The following NTMT1 variants were observed in gnomAD, a reference collection of about 807,000 sequenced individuals.
The protein encoded by NTMT1 is N-terminal RCC1 methyltransferase.
NTMT1 carries 8 observed loss-of-function variants against 17.5 expected under a neutral mutation model. The ratio of observed to expected loss-of-function variants is 0.46; its 90% CI spans 0.27 to 0.82. NTMT1 has a LOEUF of 0.82. Among genes scored for constraint, NTMT1 ranks in the 40% least tolerant of loss-of-function variants. The pLI, the probability that NTMT1 is intolerant of heterozygous loss-of-function variation, is 0.15. For missense variants in NTMT1, 221 were observed against 303.5 expected, an observed-to-expected ratio of 0.73 and a Z score of 2.02; for synonymous variants, 128 against 126.8, an observed-to-expected ratio of 1.01 and a Z score of -0.06.
rs753090231 is a variant in NTMT1 at position 129,619,769 on chromosome 9, A to T, written c.-55+10591A>T. 1.9e-6 allele frequency: 3 copies of T among 1,613,824 alleles called. No homozygotes were observed. In the East Asian group the frequency reaches 6.7e-5, roughly 36 times the overall value. Reference sequence around the variant, plus strand: ...GGTCTGGGAGGAATGAACAGTTGGGACACCGCGGAGACCCTGGGCAGTGCT... The same window carrying T: ...GGTCTGGGAGGAATGAACAGTTGGGTCACCGCGGAGACCCTGGGCAGTGCT... On this transcript the variant is annotated intron_variant, in intron 1 of 3. Transcript: ENST00000372486.
At chr9:129,635,032 C>T (rs1831448313) in intron 3 of NTMT1, 176 bp from the exon 4 acceptor site, 2 of 720,096 alleles carry the variant, frequency 2.8e-6, no homozygotes, top group African/African-American at 3.5e-5. Flanking sequence ...CCACAGTTTC[C>T]TATTCTATGA....
rs761365667 is a variant in NTMT1 at position 129,620,547 on chromosome 9, C to T, written c.-55+11369C>T. 1 of 1,402,500 alleles carries T rather than the reference C, an allele frequency of 7.1e-7. No individual in the cohort carries two copies. Among genetic ancestry groups the T allele is most frequent in the Non-Finnish European group, 9.3e-7 (1 of 1,075,218 alleles). The allele number at this position is 1,402,500 out of a possible 1,614,324, so 86.9% of individuals were successfully genotyped here. On this transcript the variant is annotated intron_variant, in intron 1 of 3. Transcript: ENST00000372486. The surrounding 1 kb of genome is among the most constrained non-coding windows in gnomAD (Gnocchi z 5.8). ...AGCCCCTTGGGCGCCAGGTCCTGGG[C>T]CCCTGGGCGAAGTCGACGCCAGAAC... is the stretch of plus-strand genomic sequence containing the variant.
At chr9:129,628,654 G>A (rs1403078190) in intron 1 of NTMT1, 3 of 152,250 alleles carry the variant, frequency 2.0e-5, no homozygotes, top group Non-Finnish European at 4.4e-5. Flanking sequence ...TGGTGTACAA[G>A]GTAATGTCTC....
upstream of NTMT1, among the ~76,000 whole-genome samples, chr9:129,624,041 G>T (rs1200726664): frequency 6.6e-6 from 1 of 152,006 alleles, no homozygotes; most frequent in African/African-American, 2.4e-5. Context: ...TGATCCACCT[G>T]CCTCGGCCTC....
chr9:129,613,537 A>G lies in NTMT1; in HGVS notation c.-55+4359A>G. On this transcript the variant is annotated intron_variant, in intron 1 of 3. Coordinates refer to the NTMT1 transcript ENST00000372486. This position sits in a 1 kb window ranked among gnomAD's most constrained non-coding sequence, Gnocchi z 6.2. ...CTCCAGCCGTTTTCCGACACTCCCA[A>G]ACACCCGCTCGGACGCCACTGGCAG... is the stretch of plus-strand genomic sequence containing the variant. 1 of 1,614,052 alleles carries G rather than the reference A, an allele frequency of 6.2e-7. No individual in the cohort carries two copies. The highest frequency in any genetic ancestry group is 8.5e-7 in the Non-Finnish European group (1 of 1,180,000).
intron 1 of NTMT1, among the ~76,000 whole-genome samples, chr9:129,630,852 G>A (rs1268275030): frequency 6.6e-6 from 1 of 152,258 alleles, no homozygotes; most frequent in Non-Finnish European, 1.5e-5. Flanking sequence ...AGCAGCTGCT[G>A]CTGCTGGGAT....
At chr9:129,627,148 T>C (rs572385617) in intron 1 of NTMT1, among the ~76,000 whole-genome samples, 1 of 152,340 alleles carries the variant, frequency 6.6e-6, no homozygotes, top group African/African-American at 2.4e-5. Context: ...CTATGTAAAC[T>C]GAGGACTGTG....
At chr9:129,617,034 T>G (rs1830423841) in intron 1 of NTMT1, among the ~76,000 whole-genome samples, 1 of 151,554 alleles carries the variant, frequency 6.6e-6, no homozygotes, top group Admixed American at 6.6e-5. Flanking sequence ...GCCACTGCAC[T>G]CCAGCCTAGG....
upstream of NTMT1, among the ~76,000 whole-genome samples, chr9:129,623,860 C>A (rs1222911388): frequency 5.8e-5 from 7 of 120,436 alleles, no homozygotes; most frequent in Non-Finnish European, 1.1e-4. Flanking sequence ...GAGTCGCGAT[C>A]TCAGCTCACT....
rs1830624195 is a variant in NTMT1, at chr9:129,620,318, G to T, written c.-55+11140G>T. The T allele has an allele frequency of 2.4e-6, 3 of 1,238,810 alleles. No homozygotes were observed. Among genetic ancestry groups the T allele is most frequent in the Non-Finnish European group, 3.0e-6 (3 of 989,900 alleles). The allele number at this position is 1,238,810 out of a possible 1,614,324, so 76.7% of individuals were successfully genotyped here. A position where few individuals can be genotyped will look rare whatever the true frequency, so the allele number is the denominator to read the frequency against. The stretch of plus-strand genomic sequence containing the variant: ...CCGCTTCCGCACGGCCCGCCGGGTC[G>T]CGGTGAGCAAGGCGGGCAGGCGCGG... On this transcript the variant is annotated intron_variant, in intron 1 of 3. Coordinates refer to the NTMT1 transcript ENST00000372486. The surrounding 1 kb of genome is among the most constrained non-coding windows in gnomAD (Gnocchi z 5.8).
chr9:129,609,604 G>T (rs1001146750), intron 1 of NTMT1, among the ~76,000 whole-genome samples: 1 of 104,098 alleles, frequency 9.6e-6, no homozygotes, highest in Non-Finnish European at 1.8e-5. Context: ...CCACGGAAAA[G>T]GGCCCTGTTG....
chr9:129,627,349 C>T (rs529693506), intron 1 of NTMT1, among the ~76,000 whole-genome samples: 1 of 152,242 alleles, frequency 6.6e-6, no homozygotes, highest in Non-Finnish European at 1.5e-5. Context: ...TAACAGTCCC[C>T]TAGGTGTGTC....
At chr9:129,612,467 A>G (rs1157230192) in intron 1 of NTMT1, 1 of 1,607,718 alleles carries the variant, frequency 6.2e-7, no homozygotes, top group Admixed American at 1.7e-5. Flanking sequence ...AGAGTGAGAC[A>G]GAGGACCAGC....
intron 1 of NTMT1, among the ~76,000 whole-genome samples, chr9:129,632,190 C>T (rs904608268): frequency 1.1e-4 from 16 of 152,126 alleles, no homozygotes; most frequent in South Asian, 8.3e-4. Flanking sequence ...GGCTCACACC[C>T]GTAATCCCAG....
Position 129,613,264 on chromosome 9 carries a change from G to A in NTMT1, c.-55+4086G>A, listed in dbSNP as rs1392512468. 1 of 1,594,292 alleles carries A rather than the reference G, an allele frequency of 6.3e-7. No homozygotes were observed. ...CTTCTGGGTGGACCTGGGGGAGACA[G>A]GACCCCATGAGCTTCCTGGACTCTG... On this transcript the variant is annotated intron_variant, in intron 1 of 3. Transcript: ENST00000372486. This position sits in a 1 kb window ranked among gnomAD's most constrained non-coding sequence, Gnocchi z 6.2.
Position 129,614,909 on chromosome 9 carries a change from A to G in NTMT1, c.-55+5731A>G, listed in dbSNP as rs1446826747. On this transcript the variant is annotated intron_variant, in intron 1 of 3. Coordinates refer to the NTMT1 transcript ENST00000372486. This position sits in a 1 kb window ranked among gnomAD's most constrained non-coding sequence, Gnocchi z 4.4. Reference sequence around the variant, plus strand: ...AGAGTGAGACTCCGTATCAGAAAAAAAAAAAGAAAAAGAAAACTCACTGGG... The same window carrying G: ...AGAGTGAGACTCCGTATCAGAAAAAGAAAAAGAAAAAGAAAACTCACTGGG... Among the ~76,000 whole-genome samples, 3 of 152,086 alleles carry G rather than the reference A, an allele frequency of 2.0e-5. No homozygotes were observed. The highest frequency in any genetic ancestry group is 2.9e-5 in the Non-Finnish European group (2 of 68,008).
chr9:129,611,552 C>T (rs1006841380), intron 1 of NTMT1, among the ~76,000 whole-genome samples: 1 of 152,212 alleles, frequency 6.6e-6, no homozygotes, highest in Non-Finnish European at 1.5e-5. Flanking sequence ...CAACACAGGG[C>T]TCTCTTCCCT....
intron 1 of NTMT1, among the ~76,000 whole-genome samples, chr9:129,610,347 A>G (rs1588105336): frequency 7.0e-6 from 1 of 142,938 alleles, no homozygotes; most frequent in South Asian, 2.5e-4. Context: ...AAGGGCGTGG[A>G]GTCCGGGGTC....
intron 1 of NTMT1, chr9:129,612,156 C>A (rs1830127242): frequency 1.7e-6 from 1 of 581,054 alleles, no homozygotes; most frequent in African/African-American, 1.9e-5. Context: ...TCAGCCTCAT[C>A]CTGGCTGTGT....
Sources: gnomAD v4.1 joint callset for allele counts (sites outside exome capture counted in the v4.1 genomes callset) on GRCh38, gnomAD v4.1.1 for gene constraint, Gnocchi (gnomAD v3.1) non-coding constraint, MANE v1.5 for transcripts, NCBI Gene and HGNC (gene_info 2026-07-23, HGNC 2026-07-21) for gene names.